Variants in NAPA observed in about 807,000 individuals in gnomAD.
The protein encoded by NAPA is NSF attachment protein alpha.
In NAPA, 18 loss-of-function variants were observed where a neutral mutation model predicts 48.0. The ratio of observed to expected loss-of-function variants is 0.38; its 90% confidence interval spans 0.26 to 0.56. The LOEUF is 0.56. Ranked by LOEUF, NAPA falls within the 20% of genes least tolerant of loss-of-function variation. The pLI is 0.77. For missense variants in NAPA, 315 were observed against 385.0 expected, an observed-to-expected ratio of 0.82 and a Z score of 1.52; for synonymous variants, 152 against 149.9, an observed-to-expected ratio of 1.01 and a Z score of -0.10.
intron 1 of NAPA, among the ~76,000 whole-genome samples, chr19:47,507,992 G>A (rs866801906): frequency 2.0e-5 from 3 of 152,172 alleles, no homozygotes; most frequent in Non-Finnish European, 4.4e-5. Context: ...GGGAAAATAA[G>A]GAGGGAGGAC....
chr19:47,487,119 G>C (rs564207239), downstream of NAPA, among the ~76,000 whole-genome samples: 3 of 152,250 alleles, frequency 2.0e-5, no homozygotes, highest in African/African-American at 4.8e-5. Context: ...CTGGGCAAAG[G>C]CTCCTGCTAT....
At chr19:47,511,191 C>T (rs780780355) in intron 1 of NAPA, among the ~76,000 whole-genome samples, 3 of 152,218 alleles carry the variant, frequency 2.0e-5, no homozygotes, top group African/African-American at 2.4e-5. Flanking sequence ...TTCTCCAGTC[C>T]CGGCAGCTAC....
chr19:47,502,313 T>C (rs1489418385), intron 2 of NAPA, among the ~76,000 whole-genome samples: 2 of 151,794 alleles, frequency 1.3e-5, no homozygotes, highest in Non-Finnish European at 2.9e-5. Context: ...GCCTAGGGCT[T>C]TTCTTTGAAG....
chr19:47,512,618 C>A (rs1176016749), intron 1 of NAPA: 1 of 152,344 alleles, frequency 6.6e-6, no homozygotes, highest in Non-Finnish European at 1.5e-5. Context: ...GCCCCACCCC[C>A]AAACACAGCA....
Position 47,490,685 on chromosome 19 carries a change from C to T in NAPA, c.735+103G>A, listed in dbSNP as rs959507728. On this transcript the variant is annotated intron_variant, in intron 9 of 10. Coordinates refer to ENST00000263354, the MANE Select transcript of NAPA (RefSeq NM_003827.4). ...CAAAACAAAACAAAACAAAGACACCCTCTGAGAACTACTGGACAAGTCTTG... is the reference window on the plus strand; with the variant it reads ...CAAAACAAAACAAAACAAAGACACCTTCTGAGAACTACTGGACAAGTCTTG... 6.7e-6 allele frequency: 6 copies of T among 894,736 alleles called. No individual in the cohort carries two copies. In the African/African-American group the frequency reaches 9.3e-5, roughly 14 times the overall value. The allele number at this position is 894,736 out of a possible 1,614,324, so 55.4% of individuals were successfully genotyped here.
At chr19:47,494,758 AGAG>A (rs151093634) in intron 4 of NAPA, among the ~76,000 whole-genome samples, 12,205 of 123,118 alleles carry the variant, frequency 0.099, 589 homozygotes, top group East Asian at 0.16. Flanking sequence ...AAAAAAAAAA[AGAG>A]AGAGAGAGAA....
intron 1 of NAPA, among the ~76,000 whole-genome samples, chr19:47,513,658 GTC>G (rs1968846675): frequency 6.6e-6 from 1 of 151,768 alleles, no homozygotes; most frequent in Admixed American, 6.6e-5. Context: ...TTCTCAGCAT[GTC>G]TCTGTCATCC....
intron 8 of NAPA, 167 bp from the exon 9 acceptor site, chr19:47,491,023 G>A (rs923614640): frequency 1.4e-5 from 8 of 566,802 alleles, no homozygotes; most frequent in Admixed American, 6.2e-5. Flanking sequence ...GTACCTTCCC[G>A]TAGCTGAGCT....
At chr19:47,510,580 C>G (rs543343978) in intron 1 of NAPA, among the ~76,000 whole-genome samples, 1 of 152,150 alleles carries the variant, frequency 6.6e-6, no homozygotes, top group Non-Finnish European at 1.5e-5. Context: ...TCCCTCTACA[C>G]GTTTGTATCC....
At chr19:47,490,974 T>A in intron 8 of NAPA, 118 bp from the exon 9 acceptor site, 1 of 778,448 alleles carries the variant, frequency 1.3e-6, no homozygotes, top group Non-Finnish European at 2.1e-6. Context: ...CTTGCACCCC[T>A]CCCCCAGCCT....
chr19:47,511,405 C>T (rs1037428935), intron 1 of NAPA, among the ~76,000 whole-genome samples: 7 of 152,214 alleles, frequency 4.6e-5, no homozygotes, highest in Non-Finnish European at 8.8e-5. Flanking sequence ...CTCACTCATA[C>T]TCCCACAGCA....
chr19:47,511,641 T>A (rs1223956908), intron 1 of NAPA, among the ~76,000 whole-genome samples: 1 of 152,218 alleles, frequency 6.6e-6, no homozygotes, highest in Non-Finnish European at 1.5e-5. Context: ...GAGAAGGCTC[T>A]GGAATCACAC....
At chr19:47,486,059 A>C (rs1968066600), downstream of NAPA, among the ~76,000 whole-genome samples, 1 of 152,222 alleles carries the variant, frequency 6.6e-6, no homozygotes, top group African/African-American at 2.4e-5. Flanking sequence ...AGTTTTAACA[A>C]AACAAACCAA....
chr19:47,486,571 G>A (rs1464798142), downstream of NAPA, among the ~76,000 whole-genome samples: 1 of 152,174 alleles, frequency 6.6e-6, no homozygotes, highest in South Asian at 2.1e-4. Flanking sequence ...AAAGTGCTAC[G>A]ATTACAGGCA....
intron 1 of NAPA, among the ~76,000 whole-genome samples, chr19:47,513,566 G>A (rs954116821): frequency 6.6e-6 from 1 of 152,130 alleles, no homozygotes; most frequent in Non-Finnish European, 1.5e-5. Flanking sequence ...CAGGATGGTC[G>A]TGTCAGCTTT....
intron 1 of NAPA, among the ~76,000 whole-genome samples, chr19:47,510,579 A>C (rs1239735201): frequency 6.6e-6 from 1 of 152,122 alleles, no homozygotes; most frequent in Non-Finnish European, 1.5e-5. Context: ...CTCCCTCTAC[A>C]CGTTTGTATC....
At chr19:47,503,842 G>A (rs964228971) in intron 1 of NAPA, among the ~76,000 whole-genome samples, 9 of 152,292 alleles carry the variant, frequency 5.9e-5, no homozygotes, top group African/African-American at 9.6e-5. Flanking sequence ...TCCCAGGCGC[G>A]CTACAAATCC....
chr19:47,489,797 T>C (rs1243438402), intron 9 of NAPA, 36 bp from the exon 10 acceptor site: 7 of 1,610,502 alleles, frequency 4.3e-6, no homozygotes, highest in East Asian at 2.2e-5. Context: ...CAGGGGCCTA[T>C]GCTGACCTGA....
At chr19:47,500,328 C>A (rs1014894843) in intron 3 of NAPA, among the ~76,000 whole-genome samples, 1 of 152,176 alleles carries the variant, frequency 6.6e-6, no homozygotes, top group Non-Finnish European at 1.5e-5. Flanking sequence ...CCCCGGCAGG[C>A]GGTGGGTCTG....
Sources: gnomAD v4.1 joint callset for allele counts (sites outside exome capture counted in the v4.1 genomes callset) on GRCh38, gnomAD v4.1.1 for gene constraint, MANE v1.5 for transcripts, NCBI Gene and HGNC (gene_info 2026-07-23, HGNC 2026-07-21) for gene names.